Variants in CYREN observed in about 807,000 individuals in gnomAD.
CYREN encodes cell cycle regulator of NHEJ, also known as cell cycle regulator of non-homologous end joining.
A neutral mutation model predicts 9.7 loss-of-function variants in CYREN; 7 were observed. That is an observed-to-expected ratio of 0.72 (90% CI 0.41 to 1.36). The LOEUF is 1.36. CYREN is among the 40% of genes most tolerant of loss of function. CYREN has a pLI of 0.01. For synonymous variants in CYREN, 76 were observed against 77.9 expected (o/e 0.98, Z 0.13); for missense variants, 215 against 198.1 (o/e 1.09, Z -0.51).
At chr7:135,127,294 C>T (rs992630343) in intron 2 of CYREN, among the ~76,000 whole-genome samples, 2 of 151,692 alleles carry the variant, frequency 1.3e-5, no homozygotes, top group Admixed American at 6.6e-5. Context: ...TGGTGGCTCA[C>T]GCCTATAATC....
intron 2 of CYREN, among the ~76,000 whole-genome samples, chr7:135,096,742 T>TGAAA (rs3038284): frequency 0.19 from 19,398 of 100,974 alleles, 2,001 homozygotes; most frequent in Non-Finnish European, 0.2. Flanking sequence ...AGAGAAAGAA[T>TGAAA]GAAAGAAAGA....
intron 2 of CYREN, among the ~76,000 whole-genome samples, chr7:135,103,557 A>G (rs1053252725): frequency 2.0e-5 from 3 of 152,214 alleles, no homozygotes; most frequent in Admixed American, 6.5e-5. Context: ...ATTTAACAGA[A>G]AGGCCTTCAA....
chr7:135,147,246 G>A (rs1358593050), intron 2 of CYREN, among the ~76,000 whole-genome samples: 5 of 152,132 alleles, frequency 3.3e-5, no homozygotes, highest in African/African-American at 1.2e-4. Flanking sequence ...CAAAGCCTCT[G>A]TTCTTCCTTC....
upstream of CYREN, among the ~76,000 whole-genome samples, chr7:135,171,518 CA>C (rs1830655231): frequency 7.7e-6 from 1 of 130,216 alleles, no homozygotes; most frequent in Non-Finnish European, 1.7e-5. Flanking sequence ...TCTCCCTGAC[CA>C]TCGGTGCATG....
intron 2 of CYREN, among the ~76,000 whole-genome samples, chr7:135,155,521 T>G (rs1829770828): frequency 6.6e-6 from 1 of 152,218 alleles, no homozygotes; most frequent in Non-Finnish European, 1.5e-5. Context: ...TCTGTATGTT[T>G]TTGTGATGGT....
chr7:135,115,208 T>C (rs974390346), intron 2 of CYREN, among the ~76,000 whole-genome samples: 1 of 152,192 alleles, frequency 6.6e-6, no homozygotes, highest in African/African-American at 2.4e-5. Flanking sequence ...AACTTTATCA[T>C]TATCTAACAT....
chr7:135,117,437 C>T (rs1473663993), intron 2 of CYREN, among the ~76,000 whole-genome samples: 1 of 152,196 alleles, frequency 6.6e-6, no homozygotes, highest in East Asian at 1.9e-4. Context: ...ACTCTTACAG[C>T]ACATTAACTA....
chr7:135,160,552 G>A (rs1256224741), intron 2 of CYREN, among the ~76,000 whole-genome samples: 3 of 152,120 alleles, frequency 2.0e-5, no homozygotes, highest in Non-Finnish European at 4.4e-5. Context: ...CCATACACAA[G>A]TTCCTGAATT....
intron 2 of CYREN, among the ~76,000 whole-genome samples, chr7:135,129,989 TC>T (rs1828499591): frequency 6.6e-6 from 1 of 152,194 alleles, no homozygotes; most frequent in African/African-American, 2.4e-5. Flanking sequence ...TTTATTGCCT[TC>T]CCCAAGCTTT....
At chr7:135,128,228 G>T (rs1828176094) in intron 2 of CYREN, among the ~76,000 whole-genome samples, 1 of 132,658 alleles carries the variant, frequency 7.5e-6, no homozygotes, top group Non-Finnish European at 1.6e-5. Context: ...GGAGGCAGAG[G>T]TTGCAGTGAG....
chr7:135,167,793 C>T lies in CYREN; in HGVS notation c.152G>A (p.Arg51Lys). ...AGCCTCATTCATGCAGTACACAGTC[C>T]TTGTCGCAGGGAGTCTGAAAAAAAG... ...PVAAARLPAT[R>K]TVYCMNEAEI... The change falls in exon 3 of 4, where the codon AGG (arginine) becomes AAG (lysine). Residue 51 changes from arginine (R) to lysine (K), a missense_variant. Physicochemically the swap from Arg to Lys is conservative, Grantham distance 26. Transcript: ENST00000393114. The T allele has an allele frequency of 6.2e-7, 1 of 1,614,186 alleles. No individual in the cohort carries two copies. Among genetic ancestry groups the T allele is most frequent in the African/African-American group, 1.3e-5 (1 of 75,046 alleles).
chr7:135,163,347 T>A (rs1585359600), downstream of CYREN, among the ~76,000 whole-genome samples: 1 of 152,354 alleles, frequency 6.6e-6, no homozygotes, highest in East Asian at 1.9e-4. Flanking sequence ...TTATTATTTT[T>A]AAAATATCTT....
chr7:135,127,465 G>C (rs1004998749), intron 2 of CYREN, among the ~76,000 whole-genome samples: 2 of 151,700 alleles, frequency 1.3e-5, no homozygotes, highest in Admixed American at 1.3e-4. Context: ...AGGCAGGGGA[G>C]TTGCTTGAAC....
In CYREN at chr7:135,099,381, T is replaced by C. The variant is rs567643748; in HGVS notation, n.357-4799A>G. ...TATGCATATATTTTGTGTGTCTGAA[T>C]GAAACAATGGTAGGTTAATTGAAGA... is the stretch of plus-strand genomic sequence containing the variant. On this transcript the variant is annotated intron_variant and non_coding_transcript_variant, in intron 2 of 2. Transcript: ENST00000459937. Among the ~76,000 whole-genome samples the C allele has an allele frequency of 6.6e-5, 10 of 152,292 alleles. No individual in the cohort carries two copies. In the South Asian group the frequency reaches 2.1e-3, roughly 32 times the overall value.
chr7:135,103,879 T>A lies in CYREN; in HGVS notation n.357-9297A>T, dbSNP rs1474822041. 2.0e-5 allele frequency among the ~76,000 whole-genome samples: 3 copies of A among 152,166 alleles called. No individual in the cohort carries two copies. In the East Asian group the frequency reaches 5.8e-4, roughly 29 times the overall value. ...TTTTCTTCAACTGCTTCAACTGCTT[T>A]ATTTTTTTTTAATGTAAGGATGTTC... On this transcript the variant is annotated intron_variant and non_coding_transcript_variant, in intron 2 of 2. Transcript: ENST00000459937.
exon 3 of CYREN, chr7:135,093,438 A>G (rs1182257013): frequency 6.6e-6 from 1 of 152,176 alleles, no homozygotes; most frequent in Admixed American, 6.5e-5. Context: ...CTGTTATAAA[A>G]ATCAATTGTA....
intron 2 of CYREN, among the ~76,000 whole-genome samples, chr7:135,111,797 C>T (rs186725929): frequency 6.6e-6 from 1 of 152,142 alleles, no homozygotes; most frequent in Admixed American, 6.5e-5. Flanking sequence ...GTCTTTCTCA[C>T]CACATACTTT....
chr7:135,171,309 GT>G (rs1157602408), upstream of CYREN, among the ~76,000 whole-genome samples: 203 of 23,192 alleles, frequency 8.8e-3, 1 homozygote, highest in African/African-American at 0.014. Context: ...CTCAGTACCT[GT>G]TTTTTTTTTT....
chr7:135,145,687 C>T (rs577852924), intron 2 of CYREN, among the ~76,000 whole-genome samples: 2 of 152,166 alleles, frequency 1.3e-5, no homozygotes, highest in East Asian at 3.9e-4. Flanking sequence ...AAAAGTTATG[C>T]AGGATAGGAA....
Sources: allele counts gnomAD v4.1 joint callset (sites outside exome capture counted in the v4.1 genomes callset), GRCh38; gene constraint gnomAD v4.1.1; transcripts MANE v1.5; gene names NCBI Gene and HGNC (gene_info 2026-07-23, HGNC 2026-07-21).